Variants in CLCN3 observed in about 807,000 individuals in gnomAD.
CLCN3 encodes Cl-/H+ antiporter 3.
A neutral mutation model predicts 83.4 loss-of-function variants in CLCN3; 16 were observed. That is an observed-to-expected ratio of 0.19 (90% CI 0.13 to 0.29). The LOEUF (loss-of-function observed/expected upper bound fraction) is 0.29. Among genes scored for constraint, CLCN3 ranks in the 10% least tolerant of loss-of-function variants. The pLI is 1.00. For missense variants in CLCN3, 544 were observed against 1,006.0 expected (o/e 0.54, Z 6.21); for synonymous variants, 322 against 346.2 (o/e 0.93, Z 0.78).
At chr4:169,700,576 T>G (rs980261135) in intron 9 of CLCN3, among the ~76,000 whole-genome samples, 4 of 152,166 alleles carry the variant, frequency 2.6e-5, no homozygotes, top group Non-Finnish European at 5.9e-5. Context: ...TCAGTAGTCT[T>G]TAAATGATCT....
chr4:169,626,725 C>A (rs888875593), intron 1 of CLCN3, among the ~76,000 whole-genome samples: 5 of 152,204 alleles, frequency 3.3e-5, no homozygotes, highest in African/African-American at 9.7e-5. Context: ...CCTCTGTAAT[C>A]CCATCACTTT....
intron 2 of CLCN3, among the ~76,000 whole-genome samples, chr4:169,665,353 T>A (rs901067077): frequency 6.6e-6 from 1 of 152,226 alleles, no homozygotes; most frequent in African/African-American, 2.4e-5. Context: ...GTCTTTGCAG[T>A]TTAGACAGTT....
At chr4:169,687,599 T>C (rs1468143324) in intron 3 of CLCN3, 59 bp from the exon 4 acceptor site, 2 of 1,134,062 alleles carry the variant, frequency 1.8e-6, no homozygotes, top group African/African-American at 3.1e-5. Context: ...TGCTAGATTC[T>C]AGAACTGTGG....
chr4:169,647,398 A>G (rs1439513537), intron 2 of CLCN3, among the ~76,000 whole-genome samples: 1 of 152,100 alleles, frequency 6.6e-6, no homozygotes, highest in Non-Finnish European at 1.5e-5. Context: ...TCAAGAAAAA[A>G]AAATCTTATA....
intron 6 of CLCN3, 134 bp downstream of exon 6, chr4:169,690,786 GTATAAGCT>G: frequency 1.4e-6 from 1 of 690,676 alleles, no homozygotes; most frequent in Non-Finnish European, 2.3e-6. Flanking sequence ...ATTTTTTTAA[GTATAAGCT>G]GATGGTAGAC....
At chr4:169,673,140 C>A (rs574127880) in intron 2 of CLCN3, among the ~76,000 whole-genome samples, 2 of 152,252 alleles carry the variant, frequency 1.3e-5, no homozygotes, top group East Asian at 3.9e-4. Flanking sequence ...TTTTCCTTTT[C>A]TTCTCCTTCT....
chr4:169,633,254 A>C (rs754855626), intron 1 of CLCN3, among the ~76,000 whole-genome samples: 1 of 152,150 alleles, frequency 6.6e-6, no homozygotes, highest in Non-Finnish European at 1.5e-5. Context: ...CAAGCGATCC[A>C]GCTGCCTCGG....
chr4:169,644,603 G>T (rs1339803540), intron 2 of CLCN3, among the ~76,000 whole-genome samples: 1 of 152,166 alleles, frequency 6.6e-6, no homozygotes, highest in Admixed American at 6.6e-5. Flanking sequence ...ATATCAAGCT[G>T]TCTTCCTCAC....
chr4:169,695,271 A>G (rs576060960), intron 7 of CLCN3, among the ~76,000 whole-genome samples: 24 of 152,260 alleles, frequency 1.6e-4, no homozygotes, highest in African/African-American at 5.8e-4. Context: ...ATAGCTCCCC[A>G]TCCCAGTTAC....
intron 2 of CLCN3, among the ~76,000 whole-genome samples, chr4:169,654,650 A>G (rs1295042645): frequency 6.6e-6 from 1 of 152,156 alleles, no homozygotes; most frequent in Non-Finnish European, 1.5e-5. Flanking sequence ...ATAATTTCCA[A>G]CACATGAGGA....
chr4:169,642,126 A>G (rs1480785435), intron 2 of CLCN3, among the ~76,000 whole-genome samples: 1 of 151,826 alleles, frequency 6.6e-6, no homozygotes, highest in Non-Finnish European at 1.5e-5. Flanking sequence ...TAGAGATGGG[A>G]TCTCACTATG....
intron 2 of CLCN3, among the ~76,000 whole-genome samples, chr4:169,670,216 G>A (rs1174135947): frequency 6.6e-6 from 1 of 152,106 alleles, no homozygotes; most frequent in African/African-American, 2.4e-5. Context: ...GTCCTGAATG[G>A]TATTGCCTAG....
At chr4:169,629,639 G>A (rs531947379) in intron 1 of CLCN3, among the ~76,000 whole-genome samples, 63 of 152,270 alleles carry the variant, frequency 4.1e-4, no homozygotes, top group African/African-American at 1.5e-3. Context: ...TTAAAGTGCC[G>A]AGATTACAGC....
rs768268151 is a variant in CLCN3 at position 169,713,040 on chromosome 4, A to G, written c.2150-39A>G. 10 of 1,481,308 alleles carry G rather than the reference A, an allele frequency of 6.8e-6. No homozygotes were observed. The Middle Eastern group carries it at 5.1e-4, about 76-fold the overall frequency. The allele number at this position is 1,481,308 out of a possible 1,614,324, so 91.8% of individuals were successfully genotyped here. A position where few individuals can be genotyped will look rare whatever the true frequency, so the allele number is the denominator to read the frequency against. Reference sequence around the variant, plus strand: ...AAACAGGTTGCCTACTTAAAAATCTATCAGTTTAAAAGTGTTGGTCTCTTC... The same window carrying G: ...AAACAGGTTGCCTACTTAAAAATCTGTCAGTTTAAAAGTGTTGGTCTCTTC... On this transcript the variant is annotated intron_variant, in intron 11 of 12. Transcript: ENST00000513761.
chr4:169,691,643 G>A (rs1429662021), intron 6 of CLCN3, among the ~76,000 whole-genome samples: 4 of 152,058 alleles, frequency 2.6e-5, no homozygotes, highest in Admixed American at 6.6e-5. Context: ...GCAATATCAT[G>A]CAGTATATAA....
At chr4:169,683,953 G>C (rs1003437861) in intron 3 of CLCN3, among the ~76,000 whole-genome samples, 8 of 152,066 alleles carry the variant, frequency 5.3e-5, no homozygotes, top group African/African-American at 1.9e-4. Context: ...ATGTTGGCCA[G>C]GCTGGTCTCA....
intron 11 of CLCN3, among the ~76,000 whole-genome samples, chr4:169,707,968 TGAG>T (rs1733057433): frequency 6.6e-6 from 1 of 152,228 alleles, no homozygotes; most frequent in South Asian, 2.1e-4. Flanking sequence ...GCAGTATTGA[TGAG>T]GAGACCATTA....
intron 1 of CLCN3, among the ~76,000 whole-genome samples, chr4:169,628,447 T>A (rs1773289638): frequency 6.6e-6 from 1 of 152,108 alleles, no homozygotes; most frequent in Non-Finnish European, 1.5e-5. Context: ...TAAAGAACTC[T>A]TAAAAGTCAA....
At chr4:169,640,957 C>T (rs1439444431) in intron 2 of CLCN3, among the ~76,000 whole-genome samples, 1 of 152,070 alleles carries the variant, frequency 6.6e-6, no homozygotes, top group Non-Finnish European at 1.5e-5. Flanking sequence ...TTTATCACAC[C>T]TGAAATGTTT....
Sources: allele counts gnomAD v4.1 joint callset (sites outside exome capture counted in the v4.1 genomes callset), GRCh38; gene constraint gnomAD v4.1.1; transcripts MANE v1.5; gene names NCBI Gene and HGNC (gene_info 2026-07-23, HGNC 2026-07-21).